The following AFG1L variants were observed in gnomAD, a reference collection of about 807,000 sequenced individuals.
The protein encoded by AFG1L is AFG1-like ATPase.
In AFG1L, 53 loss-of-function variants were observed where a neutral mutation model predicts 62.2. That is an observed-to-expected ratio of 0.85 (90% CI 0.68 to 1.07). The LOEUF (loss-of-function observed/expected upper bound fraction) is 1.07. Among genes scored for constraint, AFG1L ranks in the 50% least tolerant of loss-of-function variants. The pLI, the probability that AFG1L is intolerant of heterozygous loss-of-function variation, is 0.00. For missense variants in AFG1L, 555 were observed against 590.5 expected (o/e 0.94, Z 0.62); for synonymous variants, 228 against 210.3 (o/e 1.08, Z -0.73).
intron 10 of AFG1L, among the ~76,000 whole-genome samples, chr6:108,483,631 T>G (rs1227942927): frequency 1.3e-5 from 2 of 152,226 alleles, no homozygotes; most frequent in Admixed American, 1.3e-4. Context: ...CAAAAGTAAC[T>G]GTTTGCAAGA....
chr6:108,479,934 A>C (rs893055779), intron 10 of AFG1L, among the ~76,000 whole-genome samples: 1 of 152,210 alleles, frequency 6.6e-6, no homozygotes, highest in East Asian at 1.9e-4. Context: ...CATAATGACT[A>C]TTTTTGAGCC....
intron 6 of AFG1L, among the ~76,000 whole-genome samples, chr6:108,371,236 G>A (rs566921033): frequency 6.6e-6 from 1 of 152,226 alleles, no homozygotes; most frequent in African/African-American, 2.4e-5. Context: ...CCAGACTGGA[G>A]TGTAGTGGTG....
chr6:108,368,888 T>G (rs1443369360), intron 6 of AFG1L, among the ~76,000 whole-genome samples: 1 of 152,148 alleles, frequency 6.6e-6, no homozygotes, highest in African/African-American at 2.4e-5. Context: ...TGTGTCAGGG[T>G]AGCCTGCAGA....
intron 7 of AFG1L, 27 bp downstream of exon 7, chr6:108,402,081 T>C (rs772488133): frequency 8.3e-7 from 1 of 1,206,922 alleles, no homozygotes. Context: ...TATTTGTGTT[T>C]ACTAAGATCA....
intron 7 of AFG1L, among the ~76,000 whole-genome samples, chr6:108,406,086 C>T (rs927792020): frequency 1.3e-5 from 2 of 152,174 alleles, no homozygotes; most frequent in Non-Finnish European, 2.9e-5. Flanking sequence ...ATTGCTGCTT[C>T]GAACATTTGT....
At chr6:108,411,589 C>T (rs1404090788) in intron 7 of AFG1L, among the ~76,000 whole-genome samples, 1 of 152,176 alleles carries the variant, frequency 6.6e-6, no homozygotes, top group Non-Finnish European at 1.5e-5. Context: ...GCAACATTTT[C>T]CGTTCTGCAA....
chr6:108,402,520 C>T (rs1401350402), intron 7 of AFG1L, among the ~76,000 whole-genome samples: 1 of 148,590 alleles, frequency 6.7e-6, no homozygotes. Flanking sequence ...ACGGCAAAAC[C>T]TCTTCTCTAG....
intron 1 of AFG1L, among the ~76,000 whole-genome samples, chr6:108,304,205 A>G (rs1777118599): frequency 6.6e-6 from 1 of 152,132 alleles, no homozygotes; most frequent in South Asian, 2.1e-4. Context: ...TTCCTTGATG[A>G]TGGCTTATGT....
At chr6:108,322,044 G>A (rs1453181917) in intron 1 of AFG1L, among the ~76,000 whole-genome samples, 1 of 151,942 alleles carries the variant, frequency 6.6e-6, no homozygotes, top group East Asian at 1.9e-4. Context: ...CTAATTTTAA[G>A]CCTGGCTAAT....
chr6:108,356,207 G>C (rs1004024157), intron 4 of AFG1L, among the ~76,000 whole-genome samples: 8 of 152,172 alleles, frequency 5.3e-5, no homozygotes, highest in Non-Finnish European at 7.4e-5. Flanking sequence ...CCCAGAGCAG[G>C]AATCATGTGT....
At chr6:108,516,749 A>G (rs984757444) in intron 11 of AFG1L, among the ~76,000 whole-genome samples, 2 of 152,180 alleles carry the variant, frequency 1.3e-5, no homozygotes, top group Non-Finnish European at 2.9e-5. Context: ...ATATCTAGAA[A>G]ACCCCATCGT....
intron 6 of AFG1L, chr6:108,372,869 A>T (rs1345332526): frequency 6.5e-6 from 1 of 153,062 alleles, no homozygotes; most frequent in Admixed American, 6.6e-5. Flanking sequence ...ATCCTCATGC[A>T]TCTTCTCTTT....
chr6:108,430,678 C>T (rs1771033572), intron 7 of AFG1L, among the ~76,000 whole-genome samples: 1 of 152,176 alleles, frequency 6.6e-6, no homozygotes, highest in African/African-American at 2.4e-5. Flanking sequence ...AAATTAACTG[C>T]ACAATAAATG....
chr6:108,312,032 T>G (rs952869613), intron 1 of AFG1L, among the ~76,000 whole-genome samples: 1 of 152,064 alleles, frequency 6.6e-6, no homozygotes, highest in Admixed American at 6.6e-5. Flanking sequence ...GCCCGACTAA[T>G]TTTTGTATTT....
chr6:108,503,489 C>A (rs576036351), intron 10 of AFG1L, among the ~76,000 whole-genome samples: 3 of 152,186 alleles, frequency 2.0e-5, no homozygotes, highest in African/African-American at 7.2e-5. Context: ...GTCTTTTTTT[C>A]TGAGCAGTAG....
intron 8 of AFG1L, among the ~76,000 whole-genome samples, chr6:108,473,216 C>A (rs1343198029): frequency 6.6e-6 from 1 of 152,104 alleles, no homozygotes; most frequent in Non-Finnish European, 1.5e-5. Context: ...TGTAATTTCA[C>A]TATATAGAAA....
intron 10 of AFG1L, among the ~76,000 whole-genome samples, chr6:108,485,656 A>ATTTTTT (rs397842829): frequency 2.4e-4 from 6 of 25,032 alleles, no homozygotes; most frequent in African/African-American, 7.8e-4. Context: ...ATATATATAT[A>ATTTTTT]TTTTTTTTTT....
intron 7 of AFG1L, among the ~76,000 whole-genome samples, chr6:108,432,685 G>T (rs1771128705): frequency 6.6e-6 from 1 of 152,174 alleles, no homozygotes; most frequent in Non-Finnish European, 1.5e-5. Context: ...GGATGGAACT[G>T]ACCAGAGATG....
intron 10 of AFG1L, among the ~76,000 whole-genome samples, chr6:108,486,196 A>G (rs1477808544): frequency 6.6e-6 from 1 of 152,158 alleles, no homozygotes; most frequent in Non-Finnish European, 1.5e-5. Context: ...GATTTTTTTA[A>G]AAAGCTTTAA....
Sources: gnomAD v4.1 joint callset for allele counts (sites outside exome capture counted in the v4.1 genomes callset) on GRCh38, gnomAD v4.1.1 for gene constraint, MANE v1.5 for transcripts, NCBI Gene and HGNC (gene_info 2026-07-23, HGNC 2026-07-21) for gene names.